Variants in LRRTM4 observed in about 807,000 individuals in gnomAD.
LRRTM4 encodes leucine rich repeat transmembrane neuronal 4.
Under a neutral mutation model 47.6 loss-of-function variants are expected in LRRTM4, and 25 were observed. That is an observed-to-expected ratio of 0.53 (90% CI 0.38 to 0.73). The LOEUF is 0.73. Ranked by LOEUF, LRRTM4 falls within the 30% of genes least tolerant of loss-of-function variation. The pLI is 0.00. For synonymous variants in LRRTM4, 311 were observed against 269.5 expected, an observed-to-expected ratio of 1.15 and a Z score of -1.51; for missense variants, 638 against 713.4, an observed-to-expected ratio of 0.89 and a Z score of 1.20.
At chr2:77,261,281 C>T (rs531787644) in intron 3 of LRRTM4, among the ~76,000 whole-genome samples, 15 of 152,218 alleles carry the variant, frequency 9.9e-5, no homozygotes, top group Non-Finnish European at 2.1e-4. Context: ...CTATTATTTT[C>T]CCTACATTTC....
chr2:76,921,653 A>AT (rs2103809357), intron 3 of LRRTM4, among the ~76,000 whole-genome samples: 1 of 152,108 alleles, frequency 6.6e-6, no homozygotes, highest in East Asian at 1.9e-4. Context: ...CATAGGCATT[A>AT]TTTTTTATTT....
At chr2:77,124,494 A>C (rs1029208956) in intron 3 of LRRTM4, among the ~76,000 whole-genome samples, 2 of 152,116 alleles carry the variant, frequency 1.3e-5, no homozygotes, top group Non-Finnish European at 2.9e-5. Context: ...TTTAAAGAAA[A>C]CTTACTGTCA....
At chr2:77,301,557 A>G (rs2104164920) in intron 3 of LRRTM4, among the ~76,000 whole-genome samples, 2 of 152,298 alleles carry the variant, frequency 1.3e-5, no homozygotes, top group South Asian at 4.1e-4. Context: ...TTTTATTAAC[A>G]CAACTTGATA....
chr2:77,338,234 G>A (rs1671236647), intron 3 of LRRTM4, among the ~76,000 whole-genome samples: 1 of 151,956 alleles, frequency 6.6e-6, no homozygotes, highest in South Asian at 2.1e-4. Context: ...AGCCAAAATG[G>A]ACAAATGGCA....
chr2:77,420,623 GAT>G (rs148530177), intron 3 of LRRTM4, among the ~76,000 whole-genome samples: 117 of 145,428 alleles, frequency 8.0e-4, no homozygotes, highest in Admixed American at 9.7e-4. Context: ...TAGTGTATGT[GAT>G]ATATATATAT....
intron 3 of LRRTM4, among the ~76,000 whole-genome samples, chr2:76,812,544 T>C (rs1179057086): frequency 6.6e-6 from 1 of 152,116 alleles, no homozygotes; most frequent in Non-Finnish European, 1.5e-5. Context: ...TTTAATAGGC[T>C]CAGCATGGGT....
chr2:77,233,604 G>A (rs1261832513), intron 3 of LRRTM4, among the ~76,000 whole-genome samples: 1 of 151,922 alleles, frequency 6.6e-6, no homozygotes, highest in Non-Finnish European at 1.5e-5. Flanking sequence ...TTTACAGTTT[G>A]ACTACAACAT....
At position 77,308,048 on chromosome 2, in the gene LRRTM4, CATT is replaced by C. The variant is rs567079375; in HGVS notation, c.1551+210267_1551+210269del. 2.0e-4 allele frequency among the ~76,000 whole-genome samples: 27 copies of C among 138,218 alleles called. No individual in the cohort carries two copies. The South Asian group carries it at 4.3e-3, about 22-fold the overall frequency. The allele number at this position is 138,218 out of a possible 152,430, so 90.7% of individuals were successfully genotyped here. A position where few individuals can be genotyped will look rare whatever the true frequency, so the allele number is the denominator to read the frequency against. ...ATTATATATCTATATATCTATATAACATTATATATCTATATATCTATATAACAT... is the reference window on the plus strand; with the variant it reads ...ATTATATATCTATATATCTATATAACATATATCTATATATCTATATAACAT... On this transcript the variant is annotated intron_variant, in intron 3 of 3. Coordinates refer to ENST00000409884, the MANE Select transcript of LRRTM4 (RefSeq NM_001134745.3).
chr2:76,788,585 G>T (rs1393469592), intron 3 of LRRTM4, among the ~76,000 whole-genome samples: 1 of 152,192 alleles, frequency 6.6e-6, no homozygotes, highest in Non-Finnish European at 1.5e-5. Flanking sequence ...CAGAATAAGT[G>T]CAAGGAAGTT....
chr2:76,838,154 A>G (rs1436747861), intron 3 of LRRTM4, among the ~76,000 whole-genome samples: 1 of 151,952 alleles, frequency 6.6e-6, no homozygotes, highest in East Asian at 1.9e-4. Context: ...TATTAGTACT[A>G]TTTATATAAA....
intron 3 of LRRTM4, among the ~76,000 whole-genome samples, chr2:76,768,110 T>A (rs1278041646): frequency 6.6e-6 from 1 of 152,200 alleles, no homozygotes; most frequent in Non-Finnish European, 1.5e-5. Flanking sequence ...GCATATTATA[T>A]AGAGATAGAA....
chr2:76,972,958 G>T (rs1676273148), intron 3 of LRRTM4, among the ~76,000 whole-genome samples: 1 of 151,860 alleles, frequency 6.6e-6, no homozygotes, highest in South Asian at 2.1e-4. Context: ...CCTTTAAAAA[G>T]CAGTCTATAG....
chr2:76,852,005 A>G (rs190932742), intron 3 of LRRTM4, among the ~76,000 whole-genome samples: 44 of 152,226 alleles, frequency 2.9e-4, no homozygotes, highest in Admixed American at 1.9e-3. Context: ...TATTGCATGT[A>G]CATTAAAGAC....
chr2:77,323,417 T>G (rs1670621141), intron 3 of LRRTM4, among the ~76,000 whole-genome samples: 1 of 152,102 alleles, frequency 6.6e-6, no homozygotes, highest in Non-Finnish European at 1.5e-5. Flanking sequence ...CTGTTGAGGC[T>G]CTAACATTTT....
chr2:76,883,984 ATTTT>A (rs72200115), intron 3 of LRRTM4, among the ~76,000 whole-genome samples: 1 of 143,468 alleles, frequency 7.0e-6, no homozygotes, highest in African/African-American at 2.5e-5. Flanking sequence ...CACCCGGCTA[ATTTT>A]TTTTTTTTTT....
intron 3 of LRRTM4, among the ~76,000 whole-genome samples, chr2:76,818,045 T>C (rs1162668906): frequency 6.6e-6 from 1 of 151,914 alleles, no homozygotes; most frequent in East Asian, 1.9e-4. Flanking sequence ...AGGATACAGA[T>C]GGCAATAGAA....
intron 3 of LRRTM4, among the ~76,000 whole-genome samples, chr2:77,207,042 C>A (rs1291185778): frequency 1.3e-5 from 2 of 151,322 alleles, no homozygotes; most frequent in Non-Finnish European, 2.9e-5. Context: ...CATACAATGT[C>A]TCTTCAGAGC....
chr2:77,115,744 TA>T (rs1671374779), intron 3 of LRRTM4, among the ~76,000 whole-genome samples: 1 of 152,224 alleles, frequency 6.6e-6, no homozygotes, highest in South Asian at 2.1e-4. Context: ...TTCTTCAAAA[TA>T]AAATATTATA....
chr2:76,998,122 C>T (rs1261939350), intron 3 of LRRTM4, among the ~76,000 whole-genome samples: 3 of 151,964 alleles, frequency 2.0e-5, no homozygotes, highest in East Asian at 3.9e-4. Flanking sequence ...ATGCTCGAAT[C>T]ATCCTAAAAC....
Sources: allele counts gnomAD v4.1 joint callset (sites outside exome capture counted in the v4.1 genomes callset), GRCh38; gene constraint gnomAD v4.1.1; transcripts MANE v1.5; gene names NCBI Gene and HGNC (gene_info 2026-07-23, HGNC 2026-07-21).